The following CDH12 variants were observed in gnomAD, a reference collection of about 807,000 sequenced individuals.
CDH12 encodes cadherin 12.
Under a neutral mutation model 74.1 loss-of-function variants are expected in CDH12, and 41 were observed. The ratio of observed to expected loss-of-function variants is 0.55; its 90% confidence interval spans 0.43 to 0.72. The LOEUF is 0.72. Among genes scored for constraint, CDH12 ranks in the 30% least tolerant of loss-of-function variants. The pLI is 0.00. For missense variants in CDH12, 945 were observed against 977.2 expected (o/e 0.97, Z 0.44); for synonymous variants, 399 against 355.0 (o/e 1.12, Z -1.39).
At chr5:21,893,552 AG>A (rs1319556663) in intron 6 of CDH12, among the ~76,000 whole-genome samples, 1 of 152,216 alleles carries the variant, frequency 6.6e-6, no homozygotes, top group Non-Finnish European at 1.5e-5. Flanking sequence ...TTTTTAGTGT[AG>A]TACCCCAAAA....
intron 3 of CDH12, among the ~76,000 whole-genome samples, chr5:22,337,115 T>C (rs1216254744): frequency 6.6e-6 from 1 of 152,334 alleles, no homozygotes; most frequent in East Asian, 1.9e-4. Context: ...CAGACTTGCA[T>C]GGGGCCTGTA....
At chr5:22,838,969 G>A (rs1218304979) in intron 1 of CDH12, among the ~76,000 whole-genome samples, 3 of 152,088 alleles carry the variant, frequency 2.0e-5, no homozygotes, top group African/African-American at 7.2e-5. Context: ...GAGCCACTGT[G>A]CCCAGCCTTA....
At chr5:22,428,434 C>CAT (rs1160930403) in intron 2 of CDH12, among the ~76,000 whole-genome samples, 41 of 150,830 alleles carry the variant, frequency 2.7e-4, no homozygotes, top group East Asian at 2.1e-3. Flanking sequence ...GAGGAATACA[C>CAT]ATATATATAT....
rs554111585 is a variant in CDH12, at chr5:22,787,161, C to A, written c.-523+65897G>T. The stretch of plus-strand genomic sequence containing the variant: ...CACCACACACACACACACACACACC[C>A]CACAGCCAATTCTTATCTTGATTAC... On this transcript the variant is annotated intron_variant, in intron 1 of 14. Coordinates refer to ENST00000382254, the MANE Select transcript of CDH12 (RefSeq NM_004061.5). Among the ~76,000 whole-genome samples, 433 of 151,832 alleles carry A rather than the reference C, an allele frequency of 2.9e-3. 6 individuals are homozygous for A. The highest frequency in any genetic ancestry group is 0.01 in the African/African-American group (420 of 41,428).
chr5:22,365,752 T>A (rs922183972), intron 3 of CDH12, among the ~76,000 whole-genome samples: 1 of 152,298 alleles, frequency 6.6e-6, no homozygotes, highest in African/African-American at 2.4e-5. Flanking sequence ...CCACAAAAAA[T>A]TCTTCAACAT....
rs1315629800 is a variant in CDH12, at chr5:21,833,332, T to C, written c.814+8829A>G. Reference sequence around the variant, plus strand: ...GTTATATGTTATATAATATATATTATATATTATATAACATATAATATATAT... The same window carrying C: ...GTTATATGTTATATAATATATATTACATATTATATAACATATAATATATAT... On this transcript the variant is annotated intron_variant, in intron 8 of 14. Transcript: ENST00000382254. 3.1e-5 allele frequency among the ~76,000 whole-genome samples: 2 copies of C among 64,606 alleles called. 1 individual carries two copies. Among genetic ancestry groups the C allele is most frequent in the African/African-American group, 2.5e-4 (2 of 8,084 alleles). The allele number at this position is 64,606 out of a possible 152,430, so 42.4% of individuals were successfully genotyped here.
intron 1 of CDH12, among the ~76,000 whole-genome samples, chr5:22,764,680 T>C (rs1269209432): frequency 6.6e-6 from 1 of 151,998 alleles, no homozygotes; most frequent in Non-Finnish European, 1.5e-5. Context: ...AGTGACAAAC[T>C]GCCACCACAT....
intron 2 of CDH12, among the ~76,000 whole-genome samples, chr5:22,482,691 T>C (rs1347569462): frequency 1.3e-5 from 2 of 152,166 alleles, no homozygotes; most frequent in African/African-American, 2.4e-5. Context: ...TAGTAAGATA[T>C]TAAAACACAT....
intron 1 of CDH12, among the ~76,000 whole-genome samples, chr5:22,588,934 C>G (rs1344588982): frequency 6.6e-6 from 1 of 152,154 alleles, no homozygotes; most frequent in African/African-American, 2.4e-5. Flanking sequence ...TAGGCTATAA[C>G]CACGCCATTA....
intron 6 of CDH12, among the ~76,000 whole-genome samples, chr5:21,872,473 T>G (rs1448855223): frequency 2.0e-5 from 3 of 152,206 alleles, no homozygotes; most frequent in Non-Finnish European, 4.4e-5. Context: ...TGGTGTTGCC[T>G]TCTTTATACC....
intron 1 of CDH12, among the ~76,000 whole-genome samples, chr5:22,744,882 C>T (rs574054372): frequency 2.0e-5 from 3 of 152,010 alleles, no homozygotes; most frequent in Admixed American, 1.3e-4. Context: ...TCTGCAACCT[C>T]GTCTGTAAAT....
At chr5:22,824,501 A>T (rs933549307) in intron 1 of CDH12, among the ~76,000 whole-genome samples, 2 of 152,164 alleles carry the variant, frequency 1.3e-5, no homozygotes, top group Non-Finnish European at 2.9e-5. Context: ...CAATATGATC[A>T]GTAGTGAGGT....
At chr5:22,472,169 A>T (rs965015539) in intron 2 of CDH12, among the ~76,000 whole-genome samples, 2 of 152,102 alleles carry the variant, frequency 1.3e-5, no homozygotes, top group Non-Finnish European at 2.9e-5. Flanking sequence ...ATTCTTCCTA[A>T]ATTAGTTTAA....
chr5:22,029,828 G>T (rs1342991272), intron 5 of CDH12, among the ~76,000 whole-genome samples: 3 of 151,770 alleles, frequency 2.0e-5, no homozygotes, highest in Non-Finnish European at 4.4e-5. Flanking sequence ...GTTTATTGCG[G>T]CACTATTCAC....
intron 8 of CDH12, among the ~76,000 whole-genome samples, chr5:21,835,430 T>C (rs1385072423): frequency 2.0e-5 from 3 of 151,904 alleles, no homozygotes; most frequent in East Asian, 3.9e-4. Context: ...AGAACACTTG[T>C]TTTTAGCAGG....
At chr5:22,115,220 G>A (rs1745019708) in intron 4 of CDH12, among the ~76,000 whole-genome samples, 1 of 152,108 alleles carries the variant, frequency 6.6e-6, no homozygotes, top group Admixed American at 6.6e-5. Flanking sequence ...ACAGACTGTG[G>A]AGCGCTATGC....
intron 3 of CDH12, among the ~76,000 whole-genome samples, chr5:22,282,441 A>C (rs971560899): frequency 3.9e-5 from 6 of 152,208 alleles, no homozygotes; most frequent in African/African-American, 1.4e-4. Flanking sequence ...AGAAACTATC[A>C]TCTGAGTAAA....
intron 5 of CDH12, among the ~76,000 whole-genome samples, chr5:22,031,130 C>T (rs990340114): frequency 6.6e-6 from 1 of 151,946 alleles, no homozygotes; most frequent in South Asian, 2.1e-4. Flanking sequence ...CTCAGGAGTT[C>T]GAGACCAGCC....
At chr5:21,792,670 C>T (rs188389513) in intron 10 of CDH12, among the ~76,000 whole-genome samples, 2 of 143,892 alleles carry the variant, frequency 1.4e-5, no homozygotes, top group East Asian at 4.7e-4. Context: ...AACTTCAAAA[C>T]TCTCTTCTCC....
Sources: gnomAD v4.1 joint callset for allele counts (sites outside exome capture counted in the v4.1 genomes callset) on GRCh38, gnomAD v4.1.1 for gene constraint, MANE v1.5 for transcripts, NCBI Gene and HGNC (gene_info 2026-07-23, HGNC 2026-07-21) for gene names.